Variants in TACC2 observed in about 807,000 individuals in gnomAD.
The protein encoded by TACC2 is transforming acidic coiled-coil containing protein 2.
A neutral mutation model predicts 227.3 loss-of-function variants in TACC2; 137 were observed. The ratio of observed to expected loss-of-function variants is 0.60; its 90% CI spans 0.52 to 0.69. The LOEUF (loss-of-function observed/expected upper bound fraction) is 0.69. TACC2 is among the 30% of genes least tolerant of loss of function. TACC2 has a pLI of 0.00. For missense variants in TACC2, 3,470 were observed against 3,694.4 expected, an observed-to-expected ratio of 0.94 and a Z score of 1.57; for synonymous variants, 1,523 against 1,487.5, an observed-to-expected ratio of 1.02 and a Z score of -0.55.
chr10:122,137,806 G>C (rs2089950035), intron 6 of TACC2, among the ~76,000 whole-genome samples: 1 of 152,174 alleles, frequency 6.6e-6, no homozygotes, highest in East Asian at 1.9e-4. Flanking sequence ...CCAGGTGAAG[G>C]CAGTGTTGTC....
In TACC2 at chr10:122,230,377, G is replaced by A. The variant is rs1388437775; in HGVS notation, c.8064G>A (p.Arg2688=). Reference sequence around the variant, plus strand: ...AGGAGTTAGAGTTTGCCATCATGCGGATAGAAGCCCTGAAGCTGGCCAGGC... The same window carrying A: ...AGGAGTTAGAGTTTGCCATCATGCGAATAGAAGCCCTGAAGCTGGCCAGGC... ...LQEELEFAIM[R]IEALKLARQI... is the part of the protein sequence containing the mutation. The change falls in exon 16 of 23, where the codon CGG becomes CGA. Residue 2688 remains arginine (R), a synonymous_variant. Coordinates refer to ENST00000369005, the MANE Select transcript of TACC2 (RefSeq NM_206862.4). The A allele has an allele frequency of 6.2e-7, 1 of 1,614,192 alleles. No homozygotes were observed. The highest frequency in any genetic ancestry group is 1.3e-5 in the African/African-American group (1 of 75,058).
chr10:122,056,310 G>A (rs1213194655), intron 3 of TACC2, among the ~76,000 whole-genome samples: 1 of 152,214 alleles, frequency 6.6e-6, no homozygotes, highest in African/African-American at 2.4e-5. Flanking sequence ...AAGTAGCTGG[G>A]ATTACAGGTG....
rs960851246 is a variant in TACC2, at chr10:122,194,795, C to T, written c.5835-245C>T. 2.6e-5 allele frequency among the ~76,000 whole-genome samples: 4 copies of T among 152,104 alleles called. No individual in the cohort carries two copies. Among genetic ancestry groups the T allele is most frequent in the South Asian group, 2.1e-4 (1 of 4,810 alleles). On this transcript the variant is annotated intron_variant, in intron 7 of 22. Transcript: ENST00000369005. This position sits in a 1 kb window ranked among gnomAD's most constrained non-coding sequence, Gnocchi z 4.4. ...GCTGTGTGTGTATTTGCCACTAAGG[C>T]GAGAAGCGTGTATTTCCAGTAGAGC... is the stretch of plus-strand genomic sequence containing the variant.
intron 7 of TACC2, among the ~76,000 whole-genome samples, chr10:122,176,117 C>CTCTATATATA (rs1447382017): frequency 1.2e-3 from 63 of 54,644 alleles, no homozygotes; most frequent in Non-Finnish European, 1.8e-3. Context: ...CTCTCTCTCT[C>CTCTATATATA]TATATATATA....
At chr10:122,249,016 G>T in intron 20 of TACC2, 34 bp from the exon 21 acceptor site, 1 of 1,590,482 alleles carries the variant, frequency 6.3e-7, no homozygotes, top group Non-Finnish European at 8.6e-7. Flanking sequence ...TGTTCTCGTG[G>T]GCTTGACGCC....
intron 7 of TACC2, among the ~76,000 whole-genome samples, chr10:122,189,709 T>C (rs2094342606): frequency 6.6e-6 from 1 of 152,354 alleles, no homozygotes; most frequent in East Asian, 1.9e-4. Context: ...CAAGAAGGAA[T>C]TGTTTCTTGA....
At chr10:122,155,156 C>A (rs573969564) in intron 7 of TACC2, among the ~76,000 whole-genome samples, 1 of 152,310 alleles carries the variant, frequency 6.6e-6, no homozygotes, top group South Asian at 2.1e-4. Flanking sequence ...GTCTCGGAAG[C>A]ATCTCCACCA....
rs548091145 is a variant in TACC2 at position 122,098,825 on chromosome 10, C to G, written c.5573+10234C>G. Among the ~76,000 whole-genome samples the G allele has an allele frequency of 3.2e-4, 48 of 152,342 alleles. 1 individual carries two copies. The highest frequency in any genetic ancestry group is 2.7e-3 in the Admixed American group (42 of 15,290). On this transcript the variant is annotated intron_variant, in intron 5 of 22. Transcript: ENST00000369005. ...GGCCTGGATTTGTTGGAATGTGCCACTACCCTCTAATGCTTCTTCTCGTCC... is the reference window on the plus strand; with the variant it reads ...GGCCTGGATTTGTTGGAATGTGCCAGTACCCTCTAATGCTTCTTCTCGTCC...
At chr10:122,001,069 T>C (rs1456593727) in intron 1 of TACC2, among the ~76,000 whole-genome samples, 2 of 152,234 alleles carry the variant, frequency 1.3e-5, no homozygotes, top group East Asian at 1.9e-4. Flanking sequence ...GTCATCCACC[T>C]GCCGTGGCTT....
At chr10:122,002,144 A>G (rs1266839266) in intron 1 of TACC2, among the ~76,000 whole-genome samples, 1 of 152,188 alleles carries the variant, frequency 6.6e-6, no homozygotes, top group Non-Finnish European at 1.5e-5. Context: ...TTCTTGCTGT[A>G]TCCTCATATG....
chr10:122,228,126 A>G (rs1468923888), intron 14 of TACC2, 118 bp downstream of exon 14: 4 of 1,097,054 alleles, frequency 3.6e-6, no homozygotes, highest in Non-Finnish European at 2.6e-6. Flanking sequence ...CATGGGTCCC[A>G]CCCTGACTCC....
At position 122,205,136 on chromosome 10, in the gene TACC2, A is replaced by G. The variant is rs1297564425; in HGVS notation, c.5972-5261A>G. On this transcript the variant is annotated intron_variant, in intron 8 of 22. Coordinates refer to ENST00000369005, the MANE Select transcript of TACC2 (RefSeq NM_206862.4). This position sits in a 1 kb window ranked among gnomAD's most constrained non-coding sequence, Gnocchi z 4.5. ...TAGCACGGTCAGTAACTGTCCCCAC[A>G]GTGCCTCGACGGCACTTTTCCCTCT... Among the ~76,000 whole-genome samples, 1 of 152,232 alleles carries G rather than the reference A, an allele frequency of 6.6e-6. No individual in the cohort carries two copies. The highest frequency in any genetic ancestry group is 2.4e-5 in the African/African-American group (1 of 41,458).
At chr10:122,109,365 A>G (rs2083321230) in intron 5 of TACC2, among the ~76,000 whole-genome samples, 1 of 152,176 alleles carries the variant, frequency 6.6e-6, no homozygotes, top group Non-Finnish European at 1.5e-5. Flanking sequence ...CATTTCCCTG[A>G]TAAAATGCAC....
intron 22 of TACC2, among the ~76,000 whole-genome samples, chr10:122,253,110 T>G (rs2096280702): frequency 6.6e-6 from 1 of 152,202 alleles, no homozygotes; most frequent in Admixed American, 6.5e-5. Context: ...TCTGAGGTTT[T>G]CAGGGAAGGG....
intron 3 of TACC2, among the ~76,000 whole-genome samples, chr10:122,067,479 T>C (rs2077505374): frequency 6.6e-6 from 1 of 151,452 alleles, no homozygotes; most frequent in African/African-American, 2.4e-5. Context: ...CGATATGCCT[T>C]GGTGGTGTAG....
Position 122,177,914 on chromosome 10 carries a change from C to T in TACC2, c.5835-17126C>T, listed in dbSNP as rs1324462902. Reference sequence around the variant, plus strand: ...GAGGCCCCTGAACCCTGGATTTACCCTGGGTTCAGGTGTCAGTAAGCAAGT... The same window carrying T: ...GAGGCCCCTGAACCCTGGATTTACCTTGGGTTCAGGTGTCAGTAAGCAAGT... On this transcript the variant is annotated intron_variant, in intron 7 of 22. Transcript: ENST00000369005. 2.0e-5 allele frequency among the ~76,000 whole-genome samples: 3 copies of T among 152,122 alleles called. No individual in the cohort carries two copies. In the South Asian group the frequency reaches 6.2e-4, roughly 32 times the overall value.
In TACC2 at chr10:122,085,738, G is replaced by C. The variant is rs755488831; in HGVS notation, c.3238G>C (p.Glu1080Gln). Residue 1080 changes from glutamate to glutamine, a missense_variant, in exon 4 of 23, where the codon GAG (glutamate) becomes CAG (glutamine). This residue lies in a region of TACC2 where 1,924 missense variants were observed against 1,978.3 expected (regional missense o/e 0.97). Transcript: ENST00000369005. ...ACCCACCCAGGATGCCCCAGAGACA[G>C]AGGCATGTGATGAAACCCAGGAAGG... ...VTPTQDAPET[E>Q]ACDETQEGRQ... 27 of 1,613,744 alleles carry C rather than the reference G, an allele frequency of 1.7e-5. No individual in the cohort carries two copies. The highest frequency in any genetic ancestry group is 2.2e-5 in the Non-Finnish European group (26 of 1,179,908).
chr10:122,190,332 G>A (rs895619267), intron 7 of TACC2, among the ~76,000 whole-genome samples: 2 of 152,222 alleles, frequency 1.3e-5, no homozygotes, highest in South Asian at 2.1e-4. Context: ...TCTTTCACAC[G>A]GTGTGTCAGC....
chr10:122,219,332 G>T (rs2095478835), intron 11 of TACC2, among the ~76,000 whole-genome samples: 1 of 151,864 alleles, frequency 6.6e-6, no homozygotes, highest in Admixed American at 6.6e-5. Flanking sequence ...TTCAGTGCTT[G>T]ATCTGGGCTG....
Sources: gnomAD v4.1 joint callset for allele counts (sites outside exome capture counted in the v4.1 genomes callset) on GRCh38, gnomAD v4.1.1 for gene constraint, gnomAD v4.1.1 regional missense constraint, Gnocchi (gnomAD v3.1) non-coding constraint, MANE v1.5 for transcripts, NCBI Gene and HGNC (gene_info 2026-07-23, HGNC 2026-07-21) for gene names.